The following OXCT1 variants were observed in gnomAD, a reference collection of about 807,000 sequenced individuals.
OXCT1 encodes the protein succinyl-CoA:3-ketoacid coenzyme A transferase 1, mitochondrial.
Under a neutral mutation model 69.6 loss-of-function variants are expected in OXCT1, and 27 were observed. That is an observed-to-expected ratio of 0.39 (90% CI 0.29 to 0.54). The LOEUF is 0.54. OXCT1 is among the 20% of genes least tolerant of loss of function. The probability of loss-of-function intolerance (pLI) is 0.72; values close to 1 mark genes in which losing one functional copy is unlikely to be tolerated. For synonymous variants in OXCT1, 202 were observed against 217.8 expected (o/e 0.93, Z 0.64); for missense variants, 437 against 650.2 (o/e 0.67, Z 3.57).
At chr5:41,842,561 G>A in intron 6 of OXCT1, 114 bp downstream of exon 6, 1 of 794,098 alleles carries the variant, frequency 1.3e-6, no homozygotes, top group Non-Finnish European at 2.3e-6. Flanking sequence ...AATACACATG[G>A]GCATGTATGA....
chr5:41,841,103 A>G (rs1748607173), intron 6 of OXCT1, among the ~76,000 whole-genome samples: 1 of 152,194 alleles, frequency 6.6e-6, no homozygotes, highest in Non-Finnish European at 1.5e-5. Context: ...AGGTGTAAAA[A>G]TTTCTAGCAG....
At chr5:41,782,792 G>A (rs1745471603) in intron 13 of OXCT1, among the ~76,000 whole-genome samples, 1 of 152,140 alleles carries the variant, frequency 6.6e-6, no homozygotes, top group South Asian at 2.1e-4. Flanking sequence ...GTTTTTCAAA[G>A]GTAAACTTTC....
At chr5:41,773,831 T>C (rs1744998281) in intron 13 of OXCT1, among the ~76,000 whole-genome samples, 1 of 152,118 alleles carries the variant, frequency 6.6e-6, no homozygotes, top group Non-Finnish European at 1.5e-5. Context: ...ACGTTGACCA[T>C]TCATAATATC....
intron 13 of OXCT1, among the ~76,000 whole-genome samples, chr5:41,764,962 G>T (rs1335247273): frequency 1.3e-5 from 2 of 152,138 alleles, no homozygotes; most frequent in African/African-American, 2.4e-5. Context: ...TGCTTTTAGT[G>T]TGTTCACTGT....
chr5:41,792,291 G>A (rs1419867469), intron 13 of OXCT1, among the ~76,000 whole-genome samples: 1 of 152,124 alleles, frequency 6.6e-6, no homozygotes, highest in African/African-American at 2.4e-5. Flanking sequence ...GCCAGCAAGC[G>A]TCAGAAATAA....
intron 5 of OXCT1, among the ~76,000 whole-genome samples, chr5:41,848,814 C>G (rs1171629450): frequency 6.6e-6 from 1 of 152,024 alleles, no homozygotes; most frequent in Non-Finnish European, 1.5e-5. Flanking sequence ...AACGTTAGAC[C>G]TAAAACCATA....
At chr5:41,814,620 C>T (rs190388857) in intron 7 of OXCT1, among the ~76,000 whole-genome samples, 2,746 of 149,798 alleles carry the variant, frequency 0.018, 36 homozygotes, top group Middle Eastern at 0.08. Context: ...TAAACTATCG[C>T]AAGAACAAAA....
At chr5:41,868,767 G>A (rs1398609846) in intron 1 of OXCT1, among the ~76,000 whole-genome samples, 2 of 152,116 alleles carry the variant, frequency 1.3e-5, no homozygotes, top group African/African-American at 2.4e-5. Flanking sequence ...CAAGCTAGGG[G>A]AATAGTGGAA....
intron 7 of OXCT1, among the ~76,000 whole-genome samples, chr5:41,812,698 G>A (rs375741701): frequency 6.6e-6 from 1 of 152,028 alleles, no homozygotes. Context: ...AAAAAACAGA[G>A]CAGTTCAATT....
intron 5 of OXCT1, among the ~76,000 whole-genome samples, chr5:41,844,304 A>C (rs1189179712): frequency 6.6e-6 from 1 of 152,188 alleles, no homozygotes; most frequent in Non-Finnish European, 1.5e-5. Context: ...TATTCCAAAA[A>C]GGAATAATTC....
At chr5:41,741,759 C>A (rs1743180874) in intron 15 of OXCT1, among the ~76,000 whole-genome samples, 1 of 152,132 alleles carries the variant, frequency 6.6e-6, no homozygotes, top group South Asian at 2.1e-4. Flanking sequence ...AAATGTAAGA[C>A]AAAATATTTC....
chr5:41,838,021 G>A (rs1192197846), intron 7 of OXCT1, among the ~76,000 whole-genome samples: 2 of 152,166 alleles, frequency 1.3e-5, no homozygotes, highest in African/African-American at 2.4e-5. Context: ...GCATGCAGAA[G>A]AATATGCAGT....
chr5:41,838,697 C>T lies in OXCT1; in HGVS notation c.732+1754G>A, dbSNP rs150422912. Reference sequence around the variant, plus strand: ...TGGAGCCACAGTGACACAGTCACAGCTCACTGCAGCCTTGACCTCCTGGAC... The same window carrying T: ...TGGAGCCACAGTGACACAGTCACAGTTCACTGCAGCCTTGACCTCCTGGAC... On this transcript the variant is annotated intron_variant, in intron 7 of 16. Coordinates refer to ENST00000196371, the MANE Select transcript of OXCT1 (RefSeq NM_000436.4). Among the ~76,000 whole-genome samples the T allele has an allele frequency of 3.0e-4, 45 of 151,682 alleles. 1 individual carries two copies. The East Asian group carries it at 4.8e-3, about 16-fold the overall frequency.
At chr5:41,847,491 A>C (rs1468642103) in intron 5 of OXCT1, among the ~76,000 whole-genome samples, 1 of 152,154 alleles carries the variant, frequency 6.6e-6, no homozygotes, top group Non-Finnish European at 1.5e-5. Context: ...AGAGAATTTT[A>C]GACCAATATC....
intron 13 of OXCT1, among the ~76,000 whole-genome samples, chr5:41,772,331 A>G (rs984324793): frequency 2.0e-5 from 3 of 151,930 alleles, no homozygotes; most frequent in Non-Finnish European, 4.4e-5. Context: ...TTACACCGCC[A>G]TCACTGACAG....
intron 1 of OXCT1, chr5:41,869,981 C>T: frequency 4.5e-6 from 2 of 440,580 alleles, no homozygotes; most frequent in East Asian, 4.6e-5. Flanking sequence ...CCGACGAGCG[C>T]CAAAGGGCTC....
intron 3 of OXCT1, 107 bp downstream of exon 3, chr5:41,861,206 AT>A (rs1749717256): frequency 2.6e-6 from 2 of 782,426 alleles, no homozygotes; most frequent in Middle Eastern, 3.3e-4. Context: ...ATGCTTGGAC[AT>A]ATTGCTCATG....
At chr5:41,744,637 C>T (rs1051626012) in intron 15 of OXCT1, among the ~76,000 whole-genome samples, 2 of 151,968 alleles carry the variant, frequency 1.3e-5, no homozygotes, top group African/African-American at 2.4e-5. Flanking sequence ...GAGATACGTC[C>T]CATCAATACC....
chr5:41,859,150 C>A (rs1327865944), intron 3 of OXCT1, among the ~76,000 whole-genome samples: 4 of 152,180 alleles, frequency 2.6e-5, no homozygotes, highest in African/African-American at 7.2e-5. Flanking sequence ...CACTTAGTAG[C>A]CATGATGGTG....
Sources: gnomAD v4.1 joint callset for allele counts (sites outside exome capture counted in the v4.1 genomes callset) on GRCh38, gnomAD v4.1.1 for gene constraint, MANE v1.5 for transcripts, NCBI Gene and HGNC (gene_info 2026-07-23, HGNC 2026-07-21) for gene names.